Variants in MCPH1 observed in about 807,000 individuals in gnomAD.
MCPH1 encodes the protein microcephalin 1, also known as microcephalin.
Under a neutral mutation model 84.5 loss-of-function variants are expected in MCPH1, and 104 were observed. The observed-to-expected ratio is 1.23, with a 90% confidence interval of 1.05 to 1.45. The LOEUF is 1.45. Among genes scored for constraint, MCPH1 ranks in the 40% most tolerant of loss-of-function variants. MCPH1 has a pLI of 0.00. For synonymous variants in MCPH1, 514 were observed against 366.8 expected (o/e 1.40, Z -4.58); for missense variants, 1,498 against 1,005.7 (o/e 1.49, Z -6.62).
At chr8:6,417,003 A>G (rs1004936507) in intron 3 of MCPH1, among the ~76,000 whole-genome samples, 3 of 151,762 alleles carry the variant, frequency 2.0e-5, no homozygotes, top group African/African-American at 7.3e-5. Context: ...AAAAAGAGTA[A>G]GGGGTCCTTC....
At chr8:6,536,708 C>G (rs1032479071) in intron 12 of MCPH1, among the ~76,000 whole-genome samples, 1 of 152,094 alleles carries the variant, frequency 6.6e-6, no homozygotes, top group Non-Finnish European at 1.5e-5. Context: ...TTAATGTAGC[C>G]TTTCCATAAA....
intron 13 of MCPH1, among the ~76,000 whole-genome samples, chr8:6,630,794 C>CAAAAAAAAAAAAAAA (rs11313780): frequency 7.7e-6 from 1 of 129,520 alleles, no homozygotes; most frequent in Non-Finnish European, 1.7e-5. Flanking sequence ...AAAAAAAAAA[C>CAAAAAAAAAAAAAAA]AAAAAAAAAA....
intron 12 of MCPH1, among the ~76,000 whole-genome samples, chr8:6,505,210 T>TATATATATATTCTTATGTATATATAGAAC (rs1563304943): frequency 1.7e-5 from 1 of 59,032 alleles, no homozygotes; most frequent in East Asian, 1.1e-3. Flanking sequence ...ATATATAGAA[T>TATATATATATTCTTATGTATATATAGAAC]ATATATATAT....
intron 11 of MCPH1, chr8:6,499,563 A>G (rs922531197): frequency 2.2e-5 from 4 of 182,862 alleles, no homozygotes; most frequent in African/African-American, 9.4e-5. Flanking sequence ...ATATATATAT[A>G]AAATATTTCA....
chr8:6,440,975 G>A (rs1344852933), intron 6 of MCPH1, among the ~76,000 whole-genome samples: 1 of 152,156 alleles, frequency 6.6e-6, no homozygotes, highest in South Asian at 2.1e-4. Flanking sequence ...TGTTGTACCT[G>A]CCTGGCTTTT....
At chr8:6,554,812 G>C (rs1483696881) in intron 12 of MCPH1, among the ~76,000 whole-genome samples, 3 of 152,128 alleles carry the variant, frequency 2.0e-5, no homozygotes, top group Non-Finnish European at 4.4e-5. Context: ...AAAGAGAAAG[G>C]TTTTAGCTGG....
chr8:6,422,097 G>T (rs1024688344), intron 3 of MCPH1, among the ~76,000 whole-genome samples: 3 of 152,036 alleles, frequency 2.0e-5, no homozygotes, highest in Non-Finnish European at 4.4e-5. Flanking sequence ...AACTTATTTT[G>T]TTCATTTGAC....
At chr8:6,460,370 CCATTT>C in intron 9 of MCPH1, among the ~76,000 whole-genome samples, 1 of 151,978 alleles carries the variant, frequency 6.6e-6, no homozygotes, top group African/African-American at 2.4e-5. Flanking sequence ...CCCTGCTATT[CCATTT>C]ATTTTTTTTA....
chr8:6,565,357 T>A (rs1333034702), intron 12 of MCPH1, among the ~76,000 whole-genome samples: 4 of 152,226 alleles, frequency 2.6e-5, no homozygotes, highest in Non-Finnish European at 5.9e-5. Context: ...TAGGGTACAA[T>A]TTTTTTATTT....
chr8:6,407,367 G>C (rs184333349), intron 1 of MCPH1, among the ~76,000 whole-genome samples: 32 of 152,196 alleles, frequency 2.1e-4, no homozygotes, highest in Middle Eastern at 6.8e-3. Context: ...TTTACAGGCA[G>C]AAACTAAGGC....
intron 12 of MCPH1, among the ~76,000 whole-genome samples, chr8:6,551,032 A>G (rs2129574900): frequency 6.6e-6 from 1 of 152,244 alleles, no homozygotes; most frequent in South Asian, 2.1e-4. Flanking sequence ...AAGTGAAGGC[A>G]CTCCAAGGCC....
intron 11 of MCPH1, among the ~76,000 whole-genome samples, chr8:6,481,214 G>A (rs1396172110): frequency 6.6e-6 from 1 of 152,198 alleles, no homozygotes; most frequent in Non-Finnish European, 1.5e-5. Flanking sequence ...GTGTGACCAA[G>A]AAACATTGTG....
chr8:6,541,823 G>A (rs1217515538), intron 12 of MCPH1, among the ~76,000 whole-genome samples: 1 of 152,020 alleles, frequency 6.6e-6, no homozygotes, highest in Non-Finnish European at 1.5e-5. Flanking sequence ...AGGCAACATG[G>A]CGAGACTCCA....
intron 9 of MCPH1, among the ~76,000 whole-genome samples, chr8:6,464,194 C>T (rs1304641848): frequency 6.6e-6 from 1 of 152,184 alleles, no homozygotes; most frequent in African/African-American, 2.4e-5. Context: ...GTTTCCAACA[C>T]AGCTGTTTCA....
intron 5 of MCPH1, among the ~76,000 whole-genome samples, chr8:6,437,518 C>T (rs1164133665): frequency 1.3e-5 from 2 of 152,156 alleles, no homozygotes; most frequent in African/African-American, 2.4e-5. Flanking sequence ...CGTGAGCCAC[C>T]GCGCCCGGCC....
chr8:6,454,862 A>T (rs901689073), intron 8 of MCPH1, among the ~76,000 whole-genome samples: 1 of 152,232 alleles, frequency 6.6e-6, no homozygotes, highest in Non-Finnish European at 1.5e-5. Context: ...TGCGTAAGGT[A>T]TGGGTATACA....
chr8:6,633,329 A>G (rs970676355), intron 13 of MCPH1, among the ~76,000 whole-genome samples: 1 of 152,218 alleles, frequency 6.6e-6, no homozygotes, highest in Non-Finnish European at 1.5e-5. Flanking sequence ...ATTCAGCAAA[A>G]TTCCTCTTTG....
At chr8:6,433,771 ACCTTC>A (rs925651683) in intron 4 of MCPH1, among the ~76,000 whole-genome samples, 1 of 151,588 alleles carries the variant, frequency 6.6e-6, no homozygotes, top group African/African-American at 2.4e-5. Context: ...ATGTCTAAAA[ACCTTC>A]CCTTTCCTTC....
chr8:6,571,636 G>C (rs531046293), intron 12 of MCPH1, among the ~76,000 whole-genome samples: 16 of 152,042 alleles, frequency 1.1e-4, no homozygotes, highest in African/African-American at 3.9e-4. Context: ...AATGTCATAT[G>C]TGCTATTTAC....
Sources: gnomAD v4.1 joint callset for allele counts (sites outside exome capture counted in the v4.1 genomes callset) on GRCh38, gnomAD v4.1.1 for gene constraint, MANE v1.5 for transcripts, NCBI Gene and HGNC (gene_info 2026-07-23, HGNC 2026-07-21) for gene names.